PPP1R10: variants seen among roughly 807,000 people sequenced by gnomAD.
PPP1R10 encodes protein phosphatase 1 regulatory subunit 10.
PPP1R10 carries 15 observed loss-of-function variants against 99.0 expected under a neutral mutation model. That is an observed-to-expected ratio of 0.15 (90% CI 0.10 to 0.23). The LOEUF is 0.23. Among genes scored for constraint, PPP1R10 ranks in the 10% least tolerant of loss-of-function variants. The pLI is 1.00. For synonymous variants in PPP1R10, 430 were observed against 449.5 expected (o/e 0.96, Z 0.55); for missense variants, 947 against 1,259.4 (o/e 0.75, Z 3.75).
rs1254398287 is a variant in PPP1R10, at chr6:30,606,120, T to C, written c.740+18A>G. On this transcript the variant is annotated intron_variant, in intron 9 of 19. Transcript: ENST00000376511. This position sits in a 1 kb window ranked among gnomAD's most constrained non-coding sequence, Gnocchi z 6.3. ...CCACAGATCCACCCCATTCAGAGCCTGAGAATATGGTCCATACCTCTGACG... is the reference window on the plus strand; with the variant it reads ...CCACAGATCCACCCCATTCAGAGCCCGAGAATATGGTCCATACCTCTGACG... The C allele has an allele frequency of 6.2e-7, 1 of 1,613,428 alleles. No individual in the cohort carries two copies. The highest frequency in any genetic ancestry group is 1.3e-5 in the African/African-American group (1 of 74,888).
intron 2 of PPP1R10, among the ~76,000 whole-genome samples, chr6:30,612,856 G>A (rs548144853): frequency 6.6e-6 from 1 of 152,290 alleles, no homozygotes; most frequent in African/African-American, 2.4e-5. Context: ...AGGCAGGCAG[G>A]GGCCGTGACT....
At chr6:30,603,001 A>G in intron 17 of PPP1R10, 42 bp from the exon 18 acceptor site, 1 of 1,483,730 alleles carries the variant, frequency 6.7e-7, no homozygotes, top group South Asian at 1.3e-5. Flanking sequence ...AGCACTCTAG[A>G]AGACTAGCAT....
chr6:30,610,204 G>C (rs1194143825), intron 2 of PPP1R10, among the ~76,000 whole-genome samples: 1 of 152,114 alleles, frequency 6.6e-6, no homozygotes, highest in African/African-American at 2.4e-5. Context: ...GGAGGAGTAG[G>C]GCAGCACACC....
rs1760652041 is a variant in PPP1R10 at position 30,616,984 on chromosome 6, C to T, written c.-518G>A. 6.6e-6 allele frequency: 1 copy of T among 152,166 alleles called. No homozygotes were observed. Among genetic ancestry groups the T allele is most frequent in the Non-Finnish European group, 1.5e-5 (1 of 68,078 alleles). The allele number at this position is 152,166 out of a possible 1,614,324, so 9.4% of individuals were successfully genotyped here. ...TCCTCGTGGCCGGCCTGTCTTTCTC[C>T]GAGAAAATTCAAACCTGGGATAAAA... On this transcript the variant is annotated 5_prime_UTR_variant, in exon 2 of 20. Transcript: ENST00000376511.
At chr6:30,615,589 CAA>C (rs947343686) in intron 2 of PPP1R10, among the ~76,000 whole-genome samples, 1 of 152,176 alleles carries the variant, frequency 6.6e-6, no homozygotes, top group Non-Finnish European at 1.5e-5. Context: ...TTTAACGACA[CAA>C]ATCTTTTAGA....
At chr6:30,615,375 C>T (rs900339457) in intron 2 of PPP1R10, among the ~76,000 whole-genome samples, 63 of 152,114 alleles carry the variant, frequency 4.1e-4, no homozygotes, top group African/African-American at 1.4e-3. Flanking sequence ...GAATTTGCAA[C>T]GGAGGTTCAA....
At chr6:30,615,172 T>G (rs1024071975) in intron 2 of PPP1R10, among the ~76,000 whole-genome samples, 1 of 139,446 alleles carries the variant, frequency 7.2e-6, no homozygotes, top group Non-Finnish European at 1.5e-5. Context: ...GGACTTAAAC[T>G]AAAAAGCCAC....
chr6:30,616,299 A>G (rs1041873884), intron 2 of PPP1R10, among the ~76,000 whole-genome samples, 179 bp downstream of exon 2: 1 of 152,206 alleles, frequency 6.6e-6, no homozygotes. Context: ...TAGGGGAGAG[A>G]GAACAAGACT....
chr6:30,614,221 A>G (rs1216963605), intron 2 of PPP1R10, among the ~76,000 whole-genome samples: 5 of 152,060 alleles, frequency 3.3e-5, no homozygotes, highest in Non-Finnish European at 5.9e-5. Context: ...TGAAGAGGAC[A>G]TCATTTTTTC....
At position 30,606,388 on chromosome 6, in the gene PPP1R10, C is replaced by G; in HGVS notation, c.634+80G>C. On this transcript the variant is annotated intron_variant, in intron 8 of 19. Transcript: ENST00000376511. The surrounding 1 kb of genome is among the most constrained non-coding windows in gnomAD (Gnocchi z 6.3). The stretch of plus-strand genomic sequence containing the variant: ...TCCCTCTTCCTTACGATTAACATAC[C>G]ACACATCAAATGATTCCCCCATAAG... 4 of 1,582,876 alleles carry G rather than the reference C, an allele frequency of 2.5e-6. No homozygotes were observed. Among genetic ancestry groups the G allele is most frequent in the Non-Finnish European group, 3.4e-6 (4 of 1,159,518 alleles).
chr6:30,601,201 T>G lies in PPP1R10; in HGVS notation c.*348A>C. 1 of 285,058 alleles carries G rather than the reference T, an allele frequency of 3.5e-6. No homozygotes were observed. Among genetic ancestry groups the G allele is most frequent in the Non-Finnish European group, 6.6e-6 (1 of 150,840 alleles). The allele number at this position is 285,058 out of a possible 1,614,324, so 17.7% of individuals were successfully genotyped here. On this transcript the variant is annotated 3_prime_UTR_variant, in exon 20 of 20. Coordinates refer to ENST00000376511, the MANE Select transcript of PPP1R10 (RefSeq NM_002714.4). ...GGGACCCGCAATAGAAGGGTAGGGG[T>G]GTTCGCCAGGATAACCAGCTTTAGG... is the stretch of plus-strand genomic sequence containing the variant.
At chr6:30,614,817 G>A (rs551456953) in intron 2 of PPP1R10, among the ~76,000 whole-genome samples, 1 of 152,264 alleles carries the variant, frequency 6.6e-6, no homozygotes, top group African/African-American at 2.4e-5. Context: ...GATGAGTGAA[G>A]GAAAGTGAAA....
rs1803422779 is a variant in PPP1R10 at position 30,602,309 on chromosome 6, C to T, written c.2340G>A (p.Gly780=). The T allele has an allele frequency of 6.2e-7, 1 of 1,608,404 alleles. No homozygotes were observed. The highest frequency in any genetic ancestry group is 8.5e-7 in the Non-Finnish European group (1 of 1,178,458). Reference sequence around the variant, plus strand: ...CACCAGGGCCTTCATGGGGGCGATGCCCACTTCCCATGCCACCGCCAGGGC... The same window carrying T: ...CACCAGGGCCTTCATGGGGGCGATGTCCACTTCCCATGCCACCGCCAGGGC... ...HEGPGGGMGS[G]HRPHEGPGGS... The change falls in exon 19 of 20, where the codon GGG becomes GGA. Residue 780 remains glycine, a synonymous_variant. Transcript: ENST00000376511. This position sits in a 1 kb window ranked among gnomAD's most constrained non-coding sequence, Gnocchi z 6.7.
intron 15 of PPP1R10, 28 bp downstream of exon 15, chr6:30,603,752 C>T: frequency 6.5e-7 from 1 of 1,543,960 alleles, no homozygotes; most frequent in East Asian, 2.3e-5. Flanking sequence ...ACCATCACAA[C>T]TTCCATCATC....
chr6:30,604,750 A>G lies in PPP1R10; in HGVS notation c.955-15T>C. The G allele has an allele frequency of 6.2e-7, 1 of 1,612,908 alleles. No individual in the cohort carries two copies. Among genetic ancestry groups the G allele is most frequent in the Non-Finnish European group, 8.5e-7 (1 of 1,180,000 alleles). On this transcript the variant is annotated splice_polypyrimidine_tract_variant and intron_variant, in intron 11 of 19. Coordinates refer to ENST00000376511, the MANE Select transcript of PPP1R10 (RefSeq NM_002714.4). This position sits in a 1 kb window ranked among gnomAD's most constrained non-coding sequence, Gnocchi z 7.3. ...AAGGGGCTTGGCTATTGTGAAAGAA[A>G]AGGAAGTTAATGAACTGACTGGAAA...
intron 10 of PPP1R10, 44 bp downstream of exon 10, chr6:30,605,879 G>C (rs758039717): frequency 4.1e-6 from 5 of 1,213,500 alleles, no homozygotes; most frequent in Non-Finnish European, 4.6e-6. Flanking sequence ...AAAAAAAAAA[G>C]TTTGCTCCTA....
Position 30,602,499 on chromosome 6 carries a change from G to T in PPP1R10, c.2150C>A (p.Pro717His). The T allele has an allele frequency of 1.9e-6, 3 of 1,576,150 alleles. No homozygotes were observed. The highest frequency in any genetic ancestry group is 1.1e-5 in the South Asian group (1 of 86,978). Residue 717 changes from proline (P) to histidine (H), a missense_variant, in exon 19 of 20, where the codon CCT becomes CAT. By Grantham distance (77) the Pro-to-His change is moderately conservative. Transcript: ENST00000376511. This position sits in a 1 kb window ranked among gnomAD's most constrained non-coding sequence, Gnocchi z 6.7. Reference sequence around the variant, plus strand: ...GGCGCCTCGGAATGGAGGAGGAGGAGGAGGAGGTTCGTTTCCTCCTCGGCC... The same window carrying T: ...GGCGCCTCGGAATGGAGGAGGAGGATGAGGAGGTTCGTTTCCTCCTCGGCC... ...RGGRGGNEPP[P>H]PPPPFRGARG...
rs1803974151 is a variant in PPP1R10, at chr6:30,606,590, G to A, written c.512C>T (p.Pro171Leu). The A allele has an allele frequency of 1.2e-6, 2 of 1,614,218 alleles. No individual in the cohort carries two copies. The highest frequency in any genetic ancestry group is 4.5e-5 in the East Asian group (2 of 44,892). ...KDEGKSRTTL[P>L]ERPLTEVKAE... ...CTTCACCTCTGTCAAAGGTCGCTCA[G>A]GAAGGGTAGTTCGACTTTTTCCTTC... Residue 171 changes from proline to leucine, a missense_variant, in exon 8 of 20, where the codon CCT becomes CTT. Transcript: ENST00000376511. This position sits in a 1 kb window ranked among gnomAD's most constrained non-coding sequence, Gnocchi z 6.3.
In PPP1R10 at chr6:30,602,369, G is replaced by A; in HGVS notation, c.2280C>T (p.Gly760=). 1 of 1,612,594 alleles carries A rather than the reference G, an allele frequency of 6.2e-7. No homozygotes were observed. Among genetic ancestry groups the A allele is most frequent in the African/African-American group, 1.3e-5 (1 of 74,894 alleles). ...GHRPHEGPGG[G]MGNSSGHRPH... ...GACGATGTCCACTGCTGTTGCCCAT[G>A]CCCCCACCAGGGCCTTCGTGAGGAC... The change falls in exon 19 of 20, where the codon GGC becomes GGT. Residue 760 remains glycine, a synonymous_variant. Coordinates refer to ENST00000376511, the MANE Select transcript of PPP1R10 (RefSeq NM_002714.4). This position sits in a 1 kb window ranked among gnomAD's most constrained non-coding sequence, Gnocchi z 6.7.
Sources: allele counts gnomAD v4.1 joint callset (sites outside exome capture counted in the v4.1 genomes callset), GRCh38; gene constraint gnomAD v4.1.1; non-coding constraint Gnocchi (gnomAD v3.1); transcripts MANE v1.5; gene names NCBI Gene and HGNC (gene_info 2026-07-23, HGNC 2026-07-21).